Variants in ATP10B observed in about 807,000 individuals in gnomAD.
The protein encoded by ATP10B is phospholipid-transporting ATPase VB.
Under a neutral mutation model 141.2 loss-of-function variants are expected in ATP10B, and 122 were observed. That is an observed-to-expected ratio of 0.86 (90% CI 0.75 to 1.00). The LOEUF (loss-of-function observed/expected upper bound fraction) is 1.00, where lower values mean the gene tolerates loss of function less well. Among genes scored for constraint, ATP10B ranks in the 50% least tolerant of loss-of-function variants. ATP10B has a pLI of 0.00. For synonymous variants in ATP10B, 685 were observed against 692.0 expected, an observed-to-expected ratio of 0.99 and a Z score of 0.16; for missense variants, 1,876 against 1,825.3, an observed-to-expected ratio of 1.03 and a Z score of -0.51.
chr5:160,831,044 G>A (rs1404407174), intron 1 of ATP10B, among the ~76,000 whole-genome samples: 3 of 151,346 alleles, frequency 2.0e-5, no homozygotes, highest in African/African-American at 7.3e-5. Context: ...CTTTGAAATT[G>A]GGCAAGCTTA....
At chr5:160,876,734 C>T in the ATP10B span, among the ~76,000 whole-genome samples, 2 of 151,498 alleles carry the variant, frequency 1.3e-5, no homozygotes, top group African/African-American at 4.8e-5. Flanking sequence ...ATACAAACTA[C>T]CATCAGAGAA....
At chr5:160,707,930 C>T (rs1264875015) in intron 3 of ATP10B, among the ~76,000 whole-genome samples, 15 of 152,298 alleles carry the variant, frequency 9.8e-5, no homozygotes, top group South Asian at 2.1e-4. Context: ...AGTGATGTCC[C>T]CCGGCTGGAA....
At chr5:160,799,411 A>G (rs1406710953) in intron 1 of ATP10B, among the ~76,000 whole-genome samples, 2 of 152,196 alleles carry the variant, frequency 1.3e-5, no homozygotes, top group Non-Finnish European at 2.9e-5. Flanking sequence ...CCTTTTCCCC[A>G]GATACCTGGT....
chr5:160,731,954 T>A (rs1766771877), intron 2 of ATP10B, among the ~76,000 whole-genome samples: 1 of 152,170 alleles, frequency 6.6e-6, no homozygotes, highest in Admixed American at 6.5e-5. Context: ...ATCTCCATAT[T>A]TAACCTTCAT....
rs2127993662 is a variant in ATP10B at position 160,851,990 on chromosome 5, GT to G, written c.-626del. The G allele has an allele frequency of 6.6e-6, 1 of 152,264 alleles. No homozygotes were observed. Among genetic ancestry groups the G allele is most frequent in the East Asian group, 1.9e-4 (1 of 5,172 alleles). The allele number at this position is 152,264 out of a possible 1,614,324, so 9.4% of individuals were successfully genotyped here. A position where few individuals can be genotyped will look rare whatever the true frequency, so the allele number is the denominator to read the frequency against. On this transcript the variant is annotated 5_prime_UTR_variant, in exon 1 of 26. An upstream open reading frame in the 5' UTR loses its in-frame stop. Coordinates refer to ENST00000327245, the MANE Select transcript of ATP10B (RefSeq NM_025153.3). ...GAGCAGACTCCAGTAGAAGAAAACA[GT>G]GCTTGAAAGTGGCGGTATTTCTCTC...
At position 160,672,396 on chromosome 5, in the gene ATP10B, AT is replaced by A. The variant is rs372353293; in HGVS notation, c.471-1730del. Among the ~76,000 whole-genome samples the A allele has an allele frequency of 2.4e-4, 36 of 152,268 alleles. 1 individual carries two copies. In the South Asian group the frequency reaches 7.5e-3, roughly 32 times the overall value. ...TTCCACCTTCTACCATTCTTTAAAT[AT>A]TTTAAGGCATTCATCAGGTGTCCCA... On this transcript the variant is annotated intron_variant, in intron 6 of 25. Coordinates refer to ENST00000327245, the MANE Select transcript of ATP10B (RefSeq NM_025153.3).
At chr5:160,873,008 C>T in the ATP10B span, among the ~76,000 whole-genome samples, 5 of 151,994 alleles carry the variant, frequency 3.3e-5, no homozygotes, top group African/African-American at 7.2e-5. Flanking sequence ...TCCATGAGCA[C>T]GAGATGTGTT....
chr5:160,753,102 G>C (rs1768275484), intron 2 of ATP10B, among the ~76,000 whole-genome samples: 1 of 152,106 alleles, frequency 6.6e-6, no homozygotes, highest in Admixed American at 6.5e-5. Context: ...GTGTGCCAGG[G>C]GATGGTTAAG....
At chr5:160,838,774 C>CA (rs1775630669) in intron 1 of ATP10B, among the ~76,000 whole-genome samples, 2 of 152,140 alleles carry the variant, frequency 1.3e-5, no homozygotes, top group African/African-American at 2.4e-5. Context: ...GTCATTTGGA[C>CA]ATTTGTCCCT....
chr5:160,627,146 C>T (rs1758652636), intron 13 of ATP10B, among the ~76,000 whole-genome samples: 1 of 152,176 alleles, frequency 6.6e-6, no homozygotes, highest in South Asian at 2.1e-4. Flanking sequence ...CCTTATTCCT[C>T]CAGTTAATAT....
chr5:160,649,848 T>C (rs370104216), intron 7 of ATP10B, among the ~76,000 whole-genome samples: 1 of 152,102 alleles, frequency 6.6e-6, no homozygotes, highest in Non-Finnish European at 1.5e-5. Context: ...CCAGGCATGG[T>C]GGCTCACACC....
chr5:160,817,413 A>G (rs1383409545), intron 1 of ATP10B, among the ~76,000 whole-genome samples: 2 of 152,214 alleles, frequency 1.3e-5, no homozygotes, highest in South Asian at 2.1e-4. Flanking sequence ...TGCTTCAAAG[A>G]GAATAAAATA....
intron 1 of ATP10B, among the ~76,000 whole-genome samples, chr5:160,799,238 G>T (rs1246665828): frequency 6.6e-6 from 1 of 152,090 alleles, no homozygotes; most frequent in African/African-American, 2.4e-5. Context: ...CATTTGCAGT[G>T]TCCTCCACCA....
At chr5:160,790,742 C>T (rs1424315320) in intron 1 of ATP10B, among the ~76,000 whole-genome samples, 3 of 152,230 alleles carry the variant, frequency 2.0e-5, no homozygotes, top group East Asian at 3.9e-4. Context: ...CCTGAAGATG[C>T]CCATGTCCTA....
At chr5:160,594,578 A>C (rs1363126891) in intron 22 of ATP10B, among the ~76,000 whole-genome samples, 1 of 151,938 alleles carries the variant, frequency 6.6e-6, no homozygotes, top group Non-Finnish European at 1.5e-5. Flanking sequence ...GCTCCAATTA[A>C]AAGACACAGA....
intron 2 of ATP10B, among the ~76,000 whole-genome samples, chr5:160,775,484 A>T (rs1055271538): frequency 3.9e-5 from 6 of 152,142 alleles, no homozygotes; most frequent in Non-Finnish European, 8.8e-5. Context: ...GATGCACCTT[A>T]TATGTGATTG....
intron 2 of ATP10B, among the ~76,000 whole-genome samples, chr5:160,744,323 C>T (rs1767664225): frequency 6.6e-6 from 1 of 152,184 alleles, no homozygotes; most frequent in South Asian, 2.1e-4. Flanking sequence ...GACCCTACTT[C>T]TGAATGCTGT....
At chr5:160,914,817 G>A in the ATP10B span, among the ~76,000 whole-genome samples, 2 of 152,206 alleles carry the variant, frequency 1.3e-5, no homozygotes, top group Non-Finnish European at 2.9e-5. Context: ...AAGTTGCTCA[G>A]TGCTCCATTT....
At chr5:160,663,506 G>T (rs1427555148) in intron 7 of ATP10B, among the ~76,000 whole-genome samples, 1 of 152,192 alleles carries the variant, frequency 6.6e-6, no homozygotes, top group Non-Finnish European at 1.5e-5. Context: ...GGATGAAGCT[G>T]CAAACCATCA....
Sources: allele counts gnomAD v4.1 joint callset (sites outside exome capture counted in the v4.1 genomes callset), GRCh38; gene constraint gnomAD v4.1.1; transcripts MANE v1.5; gene names NCBI Gene and HGNC (gene_info 2026-07-23, HGNC 2026-07-21).